CADPS: variants seen among roughly 807,000 people sequenced by gnomAD.
The protein encoded by CADPS is calcium dependent secretion activator.
A neutral mutation model predicts 167.3 loss-of-function variants in CADPS; 57 were observed. The ratio of observed to expected loss-of-function variants is 0.34; its 90% CI spans 0.28 to 0.42. CADPS has a LOEUF of 0.42. CADPS is among the 20% of genes least tolerant of loss of function. The probability of loss-of-function intolerance (pLI) is 1.00; values close to 1 mark genes in which losing one functional copy is unlikely to be tolerated. For missense variants in CADPS, 1,414 were observed against 1,738.1 expected, an observed-to-expected ratio of 0.81 and a Z score of 3.32; for synonymous variants, 676 against 635.3, an observed-to-expected ratio of 1.06 and a Z score of -0.96.
intron 29 of CADPS, among the ~76,000 whole-genome samples, chr3:62,400,887 C>T (rs980839634): frequency 1.3e-5 from 2 of 152,126 alleles, no homozygotes; most frequent in East Asian, 1.9e-4. Context: ...CGTGAGCCAT[C>T]GTGCCCGGCC....
intron 17 of CADPS, among the ~76,000 whole-genome samples, chr3:62,509,022 G>A (rs1386009810): frequency 6.6e-6 from 1 of 151,954 alleles, no homozygotes; most frequent in African/African-American, 2.4e-5. Context: ...GGATGGAAAG[G>A]CTGGGTGTGG....
chr3:62,535,787 A>G (rs1176458898), intron 12 of CADPS, among the ~76,000 whole-genome samples: 1 of 151,992 alleles, frequency 6.6e-6, no homozygotes, highest in Admixed American at 6.6e-5. Flanking sequence ...ATATAATAGC[A>G]CTCCCTTGAA....
At chr3:62,462,664 G>A (rs373129611) in intron 26 of CADPS, among the ~76,000 whole-genome samples, 3 of 152,308 alleles carry the variant, frequency 2.0e-5, no homozygotes, top group South Asian at 4.1e-4. Flanking sequence ...ATGCCAGAGC[G>A]TCGGCACTAT....
chr3:62,539,943 T>C (rs961177679), intron 11 of CADPS, among the ~76,000 whole-genome samples: 2 of 152,122 alleles, frequency 1.3e-5, no homozygotes. Flanking sequence ...TGGGCCTCCT[T>C]GGCCTCATTT....
intron 28 of CADPS, among the ~76,000 whole-genome samples, chr3:62,426,192 C>G (rs535570808): frequency 6.6e-6 from 1 of 152,254 alleles, no homozygotes; most frequent in South Asian, 2.1e-4. Flanking sequence ...AGCTTTGTCG[C>G]CAGGCTGGAG....
intron 21 of CADPS, among the ~76,000 whole-genome samples, chr3:62,489,387 C>G (rs2063343956): frequency 6.6e-6 from 1 of 152,160 alleles, no homozygotes; most frequent in South Asian, 2.1e-4. Flanking sequence ...TTCTCGATCC[C>G]CTGACCTTGT....
At chr3:62,678,014 T>C (rs1651033551) in intron 3 of CADPS, among the ~76,000 whole-genome samples, 1 of 152,136 alleles carries the variant, frequency 6.6e-6, no homozygotes, top group African/African-American at 2.4e-5. Context: ...CTGTGTTGTA[T>C]GCATATTTAT....
At chr3:62,863,530 T>A (rs1194816040) in intron 1 of CADPS, among the ~76,000 whole-genome samples, 2 of 151,922 alleles carry the variant, frequency 1.3e-5, no homozygotes, top group Admixed American at 1.3e-4. Flanking sequence ...CAAGCAGGAG[T>A]GCAATGACAC....
intron 3 of CADPS, among the ~76,000 whole-genome samples, chr3:62,737,825 C>G (rs1422724905): frequency 6.6e-6 from 1 of 152,164 alleles, no homozygotes; most frequent in African/African-American, 2.4e-5. Context: ...CATCAGGCCT[C>G]TGCTGAAGGG....
rs1240800077 is a variant in CADPS, at chr3:62,601,768, G to A, written c.1326-9020C>T. 6.6e-6 allele frequency among the ~76,000 whole-genome samples: 1 copy of A among 152,152 alleles called. No individual in the cohort carries two copies. Among genetic ancestry groups the A allele is most frequent in the African/African-American group, 2.4e-5 (1 of 41,436 alleles). On this transcript the variant is annotated intron_variant, in intron 6 of 29. Transcript: ENST00000383710. This position sits in a 1 kb window ranked among gnomAD's most constrained non-coding sequence, Gnocchi z 4.3. Reference sequence around the variant, plus strand: ...GCAGATGATTCATATTTAGGGGGATGGGGATGACTTTTAAAGTCACAGCAC... The same window carrying A: ...GCAGATGATTCATATTTAGGGGGATAGGGATGACTTTTAAAGTCACAGCAC...
chr3:62,800,778 G>C (rs2093712421), intron 1 of CADPS, among the ~76,000 whole-genome samples: 1 of 151,872 alleles, frequency 6.6e-6, no homozygotes, highest in Non-Finnish European at 1.5e-5. Context: ...TAAATGGTTT[G>C]GAATAAACCA....
At chr3:62,536,395 T>C (rs913701625) in intron 12 of CADPS, 50 bp downstream of exon 12, 7 of 1,517,746 alleles carry the variant, frequency 4.6e-6, no homozygotes, top group African/African-American at 2.8e-5. Flanking sequence ...AATATTTAAA[T>C]GAAAAAAAAT....
chr3:62,598,879 G>T (rs1043642649), intron 6 of CADPS, among the ~76,000 whole-genome samples: 3 of 152,254 alleles, frequency 2.0e-5, no homozygotes, highest in South Asian at 4.1e-4. Context: ...CTGGTGGGAC[G>T]TTGGGCCACT....
At chr3:62,616,054 C>T (rs1282687923) in intron 6 of CADPS, among the ~76,000 whole-genome samples, 17 of 152,080 alleles carry the variant, frequency 1.1e-4, no homozygotes, top group Admixed American at 1.1e-3. Context: ...ATGTTTTTCC[C>T]CTTTTCTATC....
intron 5 of CADPS, among the ~76,000 whole-genome samples, chr3:62,649,541 GTCTTTTT>G (rs1205815108): frequency 4.0e-5 from 3 of 75,010 alleles, no homozygotes; most frequent in African/African-American, 1.4e-4. Flanking sequence ...ACAATATGTG[GTCTTTTT>G]TTTTTTTTTT....
intron 1 of CADPS, among the ~76,000 whole-genome samples, chr3:62,873,081 C>T (rs186528870): frequency 1.2e-4 from 19 of 152,264 alleles, no homozygotes; most frequent in Admixed American, 1.1e-3. Flanking sequence ...ATTGAAAAAA[C>T]AAGGGGCCAC....
intron 6 of CADPS, among the ~76,000 whole-genome samples, chr3:62,599,604 T>C (rs1284049405): frequency 2.7e-5 from 2 of 73,622 alleles, no homozygotes. Flanking sequence ...ATTATATATT[T>C]ATTATATTAT....
chr3:62,772,491 A>G (rs561386648), intron 1 of CADPS, among the ~76,000 whole-genome samples: 3 of 152,302 alleles, frequency 2.0e-5, no homozygotes, highest in African/African-American at 7.2e-5. Context: ...GTCTATAGCC[A>G]TGGTATCTAT....
chr3:62,819,520 C>A (rs564728423), intron 1 of CADPS, among the ~76,000 whole-genome samples: 3 of 151,814 alleles, frequency 2.0e-5, no homozygotes, highest in East Asian at 1.9e-4. Context: ...CATGGCCCCC[C>A]CTTCATCCGC....
Sources: allele counts gnomAD v4.1 joint callset (sites outside exome capture counted in the v4.1 genomes callset), GRCh38; gene constraint gnomAD v4.1.1; non-coding constraint Gnocchi (gnomAD v3.1); transcripts MANE v1.5; gene names NCBI Gene and HGNC (gene_info 2026-07-23, HGNC 2026-07-21).